The following SEPTIN8 variants were observed in gnomAD, a reference collection of about 807,000 sequenced individuals.
SEPTIN8 encodes the protein septin 8.
A neutral mutation model predicts 53.1 loss-of-function variants in SEPTIN8; 22 were observed. The observed-to-expected ratio is 0.41, with a 90% CI of 0.30 to 0.59. SEPTIN8 has a LOEUF of 0.59. Among genes scored for constraint, SEPTIN8 ranks in the 20% least tolerant of loss-of-function variants. The pLI is 0.24. For synonymous variants in SEPTIN8, 228 were observed against 248.4 expected, an observed-to-expected ratio of 0.92 and a Z score of 0.77; for missense variants, 536 against 638.7, an observed-to-expected ratio of 0.84 and a Z score of 1.73.
In SEPTIN8 at chr5:132,756,386, A is replaced by G. The variant is rs116972786; in HGVS notation, c.1287-4205T>C. ...AGTCCCAATTTGGGCAACGAATTAT[A>G]TGGTGATTCTTCTACCTCAAACAAA... is the stretch of plus-strand genomic sequence containing the variant. On this transcript the variant is annotated intron_variant, in intron 9 of 9. Transcript: ENST00000378719. The G allele has an allele frequency of 2.0e-4, 200 of 984,832 alleles. 1 individual carries two copies. The East Asian group carries it at 9.8e-3, about 48-fold the overall frequency. The allele number at this position is 984,832 out of a possible 1,614,324, so 61.0% of individuals were successfully genotyped here.
At position 132,751,057 on chromosome 5, in the gene SEPTIN8, G is replaced by T; in HGVS notation, c.*959C>A. 1 of 1,586,778 alleles carries T rather than the reference G, an allele frequency of 6.3e-7. No homozygotes were observed. Among genetic ancestry groups the T allele is most frequent in the Non-Finnish European group, 8.6e-7 (1 of 1,165,528 alleles). On this transcript the variant is annotated 3_prime_UTR_variant, in exon 10 of 10. Transcript: ENST00000378719. ...ACTCGTTTGTGCCTTTGGAACAGCTGTTTACAACATGGGATGGCAAAGCAC... is the reference window on the plus strand; with the variant it reads ...ACTCGTTTGTGCCTTTGGAACAGCTTTTTACAACATGGGATGGCAAAGCAC...
intron 3 of SEPTIN8, 55 bp from the exon 4 acceptor site, chr5:132,763,947 C>A: frequency 2.0e-6 from 3 of 1,466,362 alleles, no homozygotes; most frequent in Non-Finnish European, 1.8e-6. Flanking sequence ...GGGCTTGGGG[C>A]TTGGGGGGCT....
chr5:132,758,278 A>G (rs967817884), intron 9 of SEPTIN8: 17 of 1,332,884 alleles, frequency 1.3e-5, no homozygotes, highest in Non-Finnish European at 9.6e-7. Flanking sequence ...ATGGGAGAGG[A>G]TATTATTTGT....
At chr5:132,756,322 G>C in intron 9 of SEPTIN8, 3 of 981,368 alleles carry the variant, frequency 3.1e-6, no homozygotes, top group Non-Finnish European at 3.6e-6. Flanking sequence ...TATGCCTTTT[G>C]ATCTGGTGTA....
At position 132,760,141 on chromosome 5, in the gene SEPTIN8, C is replaced by T. The variant is rs2149964434; in HGVS notation, c.1286+661G>A. The stretch of plus-strand genomic sequence containing the variant: ...GCCCTTCAGAACAGCTGTGTGGTGA[C>T]CAGTCTCCAGGAGGCCAGTGTTGGC... On this transcript the variant is annotated intron_variant, in intron 9 of 9. Coordinates refer to ENST00000378719, the MANE Select transcript of SEPTIN8 (RefSeq NM_001098811.2). The surrounding 1 kb of genome is among the most constrained non-coding windows in gnomAD (Gnocchi z 5.2). Among the ~76,000 whole-genome samples, 1 of 152,234 alleles carries T rather than the reference C, an allele frequency of 6.6e-6. No homozygotes were observed. The highest frequency in any genetic ancestry group is 3.4e-3 in the Middle Eastern group (1 of 294).
chr5:132,763,750 G>A lies in SEPTIN8; in HGVS notation c.490C>T (p.Leu164=), dbSNP rs1756249285. ...LYFITPTGHS[L]KSLDLVTMKK... is the part of the protein sequence containing the mutation. ...ATGGTCACTAGATCTAGAGACTTCA[G>A]GGAGTGCCCTGTGGGCGTGATGAAG... The change falls in exon 4 of 10, where the codon CTG becomes TTG. Residue 164 remains leucine, a synonymous_variant. Transcript: ENST00000378719. The A allele has an allele frequency of 1.2e-6, 2 of 1,614,204 alleles. No homozygotes were observed. Among genetic ancestry groups the A allele is most frequent in the Non-Finnish European group, 1.7e-6 (2 of 1,180,012 alleles).
rs181999625 is a variant in SEPTIN8 at position 132,756,161 on chromosome 5, C to T, written c.1287-3980G>A. The T allele has an allele frequency of 7.3e-5, 72 of 985,420 alleles. 1 individual carries two copies. The highest frequency in any genetic ancestry group is 1.0e-3 in the Middle Eastern group (2 of 1,914). The allele number at this position is 985,420 out of a possible 1,614,324, so 61.0% of individuals were successfully genotyped here. On this transcript the variant is annotated intron_variant, in intron 9 of 9. Transcript: ENST00000378719. ...ACTAGCAAGCCACACTTCCTCAGGC[C>T]TCGTATCCATGAGCCCCACTTAACA...
chr5:132,754,725 T>C (rs1281223296), intron 9 of SEPTIN8, among the ~76,000 whole-genome samples: 2 of 152,242 alleles, frequency 1.3e-5, no homozygotes, highest in Non-Finnish European at 2.9e-5. Context: ...TTCCCTCTAA[T>C]ATTCTTTTCT....
Position 132,761,671 on chromosome 5 carries a change from G to A in SEPTIN8, c.794-45C>T, listed in dbSNP as rs1487942825. Reference sequence around the variant, plus strand: ...GGGGTATCAGGCAGGCATGCAGGCGGGCACACTCCAGAGTCAGGGTAGGCA... The same window carrying A: ...GGGGTATCAGGCAGGCATGCAGGCGAGCACACTCCAGAGTCAGGGTAGGCA... On this transcript the variant is annotated intron_variant, in intron 6 of 9. Coordinates refer to ENST00000378719, the MANE Select transcript of SEPTIN8 (RefSeq NM_001098811.2). The surrounding 1 kb of genome is among the most constrained non-coding windows in gnomAD (Gnocchi z 5.8). The A allele has an allele frequency of 1.2e-6, 2 of 1,606,588 alleles. No homozygotes were observed. Among genetic ancestry groups the A allele is most frequent in the African/African-American group, 2.7e-5 (2 of 74,850 alleles).
rs746802709 is a variant in SEPTIN8 at position 132,761,181 on chromosome 5, G to A, written c.1047C>T (p.Val349=). 1.2e-6 allele frequency: 2 copies of A among 1,614,150 alleles called. No individual in the cohort carries two copies. The highest frequency in any genetic ancestry group is 1.7e-6 in the Non-Finnish European group (2 of 1,180,034). ...CCAGCTCTGTCTCCTTCACTTTGTT[G>A]ACAAACATCTGCCTCATCTCTTCCT... is the stretch of plus-strand genomic sequence containing the variant. ...RKEEEMRQMF[V]NKVKETELEL... The change falls in exon 8 of 10, where the codon GTC becomes GTT. Residue 349 remains valine, a synonymous_variant. Transcript: ENST00000378719. This position sits in a 1 kb window ranked among gnomAD's most constrained non-coding sequence, Gnocchi z 5.8.
intron 9 of SEPTIN8, chr5:132,758,535 AATGGAAG>A: frequency 6.2e-7 from 1 of 1,613,522 alleles, no homozygotes; most frequent in South Asian, 1.1e-5. Context: ...TGACACTGTA[AATGGAAG>A]ACCAGCCACT....
Position 132,761,415 on chromosome 5 carries a change from G to T in SEPTIN8, c.962+43C>A, listed in dbSNP as rs368862413. ...AACAGATGCCAGGGTGGTGTGTCTG[G>T]CCACAGCTGTGAAGACAGGCTCACT... On this transcript the variant is annotated intron_variant, in intron 7 of 9. Transcript: ENST00000378719. This position sits in a 1 kb window ranked among gnomAD's most constrained non-coding sequence, Gnocchi z 5.8. 3.9e-5 allele frequency: 62 copies of T among 1,591,958 alleles called. No individual in the cohort carries two copies. Among genetic ancestry groups the T allele is most frequent in the Non-Finnish European group, 5.2e-5 (61 of 1,170,562 alleles).
At chr5:132,756,790 G>C in intron 9 of SEPTIN8, 1 of 985,416 alleles carries the variant, frequency 1.0e-6, no homozygotes, top group Non-Finnish European at 1.2e-6. Flanking sequence ...TATGCCTGGG[G>C]TGCGACCCGC....
chr5:132,768,981 G>C (rs981695138), intron 1 of SEPTIN8, among the ~76,000 whole-genome samples: 5 of 152,216 alleles, frequency 3.3e-5, no homozygotes, highest in African/African-American at 1.2e-4. Context: ...TTTGGATGCA[G>C]AGGAACAGGG....
rs774158451 is a variant in SEPTIN8 at position 132,763,751 on chromosome 5, G to A, written c.489C>T (p.Ser163=). 8.1e-6 allele frequency: 13 copies of A among 1,614,070 alleles called. No homozygotes were observed. The East Asian group carries it at 2.9e-4, about 36-fold the overall frequency. Residue 163 remains serine, a synonymous_variant, in exon 4 of 10, where the codon TCC becomes TCT. Transcript: ENST00000378719. ...CLYFITPTGH[S]LKSLDLVTMK... is the part of the protein sequence containing the mutation. Reference sequence around the variant, plus strand: ...TGGTCACTAGATCTAGAGACTTCAGGGAGTGCCCTGTGGGCGTGATGAAGT... The same window carrying A: ...TGGTCACTAGATCTAGAGACTTCAGAGAGTGCCCTGTGGGCGTGATGAAGT...
chr5:132,764,484 T>TG, intron 2 of SEPTIN8, 65 bp from the exon 3 acceptor site: 1 of 1,395,482 alleles, frequency 7.2e-7, no homozygotes, highest in South Asian at 1.4e-5. Context: ...TGTCCTTGAC[T>TG]GGTGGCTAGG....
At chr5:132,767,424 C>T (rs993855477) in intron 1 of SEPTIN8, among the ~76,000 whole-genome samples, 2 of 152,162 alleles carry the variant, frequency 1.3e-5, no homozygotes, top group Non-Finnish European at 2.9e-5. Flanking sequence ...CACCCACTCT[C>T]ACCTGGCCCC....
Position 132,761,937 on chromosome 5 carries a change from C to G in SEPTIN8, c.697-41G>C, listed in dbSNP as rs1254711848. ...GGTATGCGTAAGCCCTGAGCTGACA[C>G]AGACTAATGGCAGACTCTCCCTCCC... On this transcript the variant is annotated intron_variant, in intron 5 of 9. Coordinates refer to ENST00000378719, the MANE Select transcript of SEPTIN8 (RefSeq NM_001098811.2). This position sits in a 1 kb window ranked among gnomAD's most constrained non-coding sequence, Gnocchi z 5.8. 2 of 1,523,260 alleles carry G rather than the reference C, an allele frequency of 1.3e-6. No individual in the cohort carries two copies. The highest frequency in any genetic ancestry group is 4.9e-5 in the East Asian group (2 of 41,024). The allele number at this position is 1,523,260 out of a possible 1,614,324, so 94.4% of individuals were successfully genotyped here.
At position 132,760,117 on chromosome 5, in the gene SEPTIN8, C is replaced by A. The variant is rs1253503238; in HGVS notation, c.1286+685G>T. Among the ~76,000 whole-genome samples the A allele has an allele frequency of 1.3e-5, 2 of 152,148 alleles. No individual in the cohort carries two copies. The highest frequency in any genetic ancestry group is 2.9e-5 in the Non-Finnish European group (2 of 68,044). ...GCTTTCCTCCCTTAAGCCCTGCGGGCCCTTCAGAACAGCTGTGTGGTGACC... is the reference window on the plus strand; with the variant it reads ...GCTTTCCTCCCTTAAGCCCTGCGGGACCTTCAGAACAGCTGTGTGGTGACC... On this transcript the variant is annotated intron_variant, in intron 9 of 9. Transcript: ENST00000378719. This position sits in a 1 kb window ranked among gnomAD's most constrained non-coding sequence, Gnocchi z 5.2.
Sources: allele counts gnomAD v4.1 joint callset (sites outside exome capture counted in the v4.1 genomes callset), GRCh38; gene constraint gnomAD v4.1.1; non-coding constraint Gnocchi (gnomAD v3.1); transcripts MANE v1.5; gene names NCBI Gene and HGNC (gene_info 2026-07-23, HGNC 2026-07-21).